NT5DC1: variants seen among roughly 807,000 people sequenced by gnomAD.
The protein encoded by NT5DC1 is 5'-nucleotidase domain containing 1.
NT5DC1 carries 42 observed loss-of-function variants against 59.4 expected under a neutral mutation model. That is an observed-to-expected ratio of 0.71 (90% CI 0.55 to 0.92). NT5DC1 has a LOEUF of 0.92. Ranked by LOEUF, NT5DC1 falls within the 40% of genes least tolerant of loss-of-function variation. The probability of loss-of-function intolerance (pLI) is 0.00; values close to 1 mark genes in which losing one functional copy is unlikely to be tolerated. For missense variants in NT5DC1, 501 were observed against 537.1 expected, an observed-to-expected ratio of 0.93 and a Z score of 0.66; for synonymous variants, 172 against 188.1, an observed-to-expected ratio of 0.91 and a Z score of 0.70.
intron 6 of NT5DC1, among the ~76,000 whole-genome samples, chr6:116,172,743 A>G (rs74416826): frequency 8.5e-5 from 13 of 152,324 alleles, no homozygotes; most frequent in Non-Finnish European, 1.5e-4. Context: ...AGTATTTATT[A>G]TATTTCTTTA....
At chr6:116,133,145 G>A (rs1405880032) in intron 6 of NT5DC1, among the ~76,000 whole-genome samples, 2 of 152,082 alleles carry the variant, frequency 1.3e-5, no homozygotes, top group African/African-American at 2.4e-5. Flanking sequence ...AGTTTCGTGC[G>A]CCAAGTGCTT....
intron 1 of NT5DC1, among the ~76,000 whole-genome samples, chr6:116,102,384 CTTA>C (rs1399248369): frequency 1.3e-5 from 2 of 152,164 alleles, no homozygotes; most frequent in Non-Finnish European, 2.9e-5. Flanking sequence ...GTCTGGTTTC[CTTA>C]GTCACATTGA....
intron 6 of NT5DC1, among the ~76,000 whole-genome samples, chr6:116,207,276 C>T (rs1425266986): frequency 1.4e-5 from 2 of 146,194 alleles, no homozygotes; most frequent in Admixed American, 6.8e-5. Flanking sequence ...TATTTCTGTA[C>T]CTGCATTTCC....
intron 6 of NT5DC1, among the ~76,000 whole-genome samples, chr6:116,219,974 A>C (rs1351681755): frequency 1.7e-4 from 25 of 149,446 alleles, no homozygotes; most frequent in Admixed American, 1.6e-3. Context: ...AAAAAAAAAA[A>C]AAAAAAAAAA....
chr6:116,170,827 C>G (rs1424085900), intron 6 of NT5DC1, among the ~76,000 whole-genome samples: 1 of 152,166 alleles, frequency 6.6e-6, no homozygotes, highest in Non-Finnish European at 1.5e-5. Flanking sequence ...GCAGTTCTCA[C>G]TCCCACCTGC....
intron 8 of NT5DC1, among the ~76,000 whole-genome samples, chr6:116,234,278 T>C (rs1390696156): frequency 6.6e-6 from 1 of 151,302 alleles, no homozygotes; most frequent in Non-Finnish European, 1.5e-5. Context: ...ATATTTTTAA[T>C]TATACTTTTT....
intron 6 of NT5DC1, chr6:116,121,373 G>A (rs761080885): frequency 6.2e-7 from 1 of 1,614,070 alleles, no homozygotes; most frequent in African/African-American, 1.3e-5. Context: ...GGGACCTGGT[G>A]GGCCAATTGG....
chr6:116,241,404 G>A (rs1771712078), intron 11 of NT5DC1, among the ~76,000 whole-genome samples: 1 of 152,168 alleles, frequency 6.6e-6, no homozygotes, highest in African/African-American at 2.4e-5. Flanking sequence ...ATGCCTGACA[G>A]TAATGGCATA....
rs373653304 is a variant in NT5DC1 at position 116,125,586 on chromosome 6, C to G, written c.529+7641C>G. On this transcript the variant is annotated intron_variant, in intron 6 of 11. Transcript: ENST00000319550. ...TATTCTCATGTTTCACAGATGAGTT[C>G]TTTATACAGTTATCTACTTTTTTAA... 320 of 1,273,516 alleles carry G rather than the reference C, an allele frequency of 2.5e-4. 1 individual carries two copies. In the South Asian group the frequency reaches 3.5e-3, roughly 14 times the overall value. 78.9% of individuals were successfully genotyped at this position (1,273,516 alleles called of 1,614,324 possible). A position where few individuals can be genotyped will look rare whatever the true frequency, so the allele number is the denominator to read the frequency against.
chr6:116,172,875 A>G (rs1056042598), intron 6 of NT5DC1, among the ~76,000 whole-genome samples: 2 of 152,308 alleles, frequency 1.3e-5, no homozygotes, highest in Admixed American at 1.3e-4. Context: ...ATGATGAGGT[A>G]AGATAGGATG....
chr6:116,160,097 A>T (rs548263485), intron 6 of NT5DC1, among the ~76,000 whole-genome samples: 1 of 152,246 alleles, frequency 6.6e-6, no homozygotes, highest in African/African-American at 2.4e-5. Flanking sequence ...TATCTTTTTG[A>T]TAAAATGATT....
At chr6:116,208,215 T>C (rs1017719708) in intron 6 of NT5DC1, among the ~76,000 whole-genome samples, 1 of 152,040 alleles carries the variant, frequency 6.6e-6, no homozygotes, top group Admixed American at 6.6e-5. Context: ...GAATAAGCAT[T>C]GCCACATTTC....
rs552150877 is a variant in NT5DC1 at position 116,110,836 on chromosome 6, T to C, written c.258-14T>C. On this transcript the variant is annotated splice_polypyrimidine_tract_variant and intron_variant, in intron 3 of 11. Coordinates refer to ENST00000319550, the MANE Select transcript of NT5DC1 (RefSeq NM_152729.3). ...AACCATTAATGAGCAATGTGCCTCC[T>C]CTCTCAAAATCAGGGCAAGCCATGG... is the stretch of plus-strand genomic sequence containing the variant. 3.8e-6 allele frequency: 6 copies of C among 1,587,844 alleles called. No individual in the cohort carries two copies. The East Asian group carries it at 1.1e-4, about 30-fold the overall frequency.
chr6:116,228,850 T>C (rs552564739), intron 8 of NT5DC1, among the ~76,000 whole-genome samples: 1 of 152,312 alleles, frequency 6.6e-6, no homozygotes, highest in South Asian at 2.1e-4. Flanking sequence ...TTAATGTTGA[T>C]ATTCCCTAAC....
At chr6:116,230,455 A>G (rs1415103582) in intron 8 of NT5DC1, among the ~76,000 whole-genome samples, 3 of 152,182 alleles carry the variant, frequency 2.0e-5, no homozygotes, top group Non-Finnish European at 4.4e-5. Flanking sequence ...TTCTGTCAAC[A>G]TCAGTGTTTC....
At chr6:116,192,193 AT>A (rs934996203) in intron 6 of NT5DC1, among the ~76,000 whole-genome samples, 1 of 152,012 alleles carries the variant, frequency 6.6e-6, no homozygotes, top group African/African-American at 2.4e-5. Context: ...TTGCCAGTTA[AT>A]TAACCTCTGT....
chr6:116,207,759 T>A lies in NT5DC1; in HGVS notation c.530-13295T>A, dbSNP rs2114521033. Among the ~76,000 whole-genome samples, 3 of 152,056 alleles carry A rather than the reference T, an allele frequency of 2.0e-5. No homozygotes were observed. The South Asian group carries it at 6.2e-4, about 32-fold the overall frequency. On this transcript the variant is annotated intron_variant, in intron 6 of 11. Coordinates refer to ENST00000319550, the MANE Select transcript of NT5DC1 (RefSeq NM_152729.3). The stretch of plus-strand genomic sequence containing the variant: ...CAACTGTGAACCCCTCGTGCCCAGG[T>A]TCCCACTGTATTTCTACCTGAGTCT...
At chr6:116,241,164 A>T (rs1771708084) in intron 11 of NT5DC1, among the ~76,000 whole-genome samples, 3 of 151,926 alleles carry the variant, frequency 2.0e-5, no homozygotes, top group Non-Finnish European at 4.4e-5. Context: ...AAAAAAGTAA[A>T]ATATTTTTAG....
At chr6:116,237,149 A>G in intron 9 of NT5DC1, 65 bp downstream of exon 9, 1 of 854,442 alleles carries the variant, frequency 1.2e-6, no homozygotes, top group South Asian at 1.4e-5. Flanking sequence ...GTGAACTGCC[A>G]AATCTCTCCT....
Sources: allele counts gnomAD v4.1 joint callset (sites outside exome capture counted in the v4.1 genomes callset), GRCh38; gene constraint gnomAD v4.1.1; transcripts MANE v1.5; gene names NCBI Gene and HGNC (gene_info 2026-07-23, HGNC 2026-07-21).